MAP2K5: variants seen among roughly 807,000 people sequenced by gnomAD.
MAP2K5 encodes mitogen-activated protein kinase kinase 5, also known as dual specificity mitogen-activated protein kinase kinase 5.
A neutral mutation model predicts 83.1 loss-of-function variants in MAP2K5; 49 were observed. The ratio of observed to expected loss-of-function variants is 0.59; its 90% confidence interval spans 0.47 to 0.75. The LOEUF (loss-of-function observed/expected upper bound fraction) is 0.75. Ranked by LOEUF, MAP2K5 falls within the 30% of genes least tolerant of loss-of-function variation. MAP2K5 has a pLI of 0.00. For synonymous variants in MAP2K5, 202 were observed against 191.8 expected, an observed-to-expected ratio of 1.05 and a Z score of -0.44; for missense variants, 457 against 557.5, an observed-to-expected ratio of 0.82 and a Z score of 1.82.
chr15:67,693,097 G>A (rs2088157609), intron 14 of MAP2K5, among the ~76,000 whole-genome samples: 1 of 152,212 alleles, frequency 6.6e-6, no homozygotes, highest in Non-Finnish European at 1.5e-5. Flanking sequence ...TGTATTATGA[G>A]TTGTCAAAGT....
At chr15:67,663,668 T>G (rs2087297249) in intron 12 of MAP2K5, among the ~76,000 whole-genome samples, 1 of 151,832 alleles carries the variant, frequency 6.6e-6, no homozygotes, top group African/African-American at 2.4e-5. Context: ...AGGTCAGGAG[T>G]TCAAGACCAG....
chr15:67,618,270 A>C (rs1247563778), intron 8 of MAP2K5, among the ~76,000 whole-genome samples: 1 of 152,154 alleles, frequency 6.6e-6, no homozygotes, highest in Non-Finnish European at 1.5e-5. Flanking sequence ...ATCAACTTTC[A>C]TGGCCTCAGG....
chr15:67,634,449 A>G (rs374228851), intron 9 of MAP2K5, among the ~76,000 whole-genome samples: 1 of 147,066 alleles, frequency 6.8e-6, no homozygotes, highest in East Asian at 2.1e-4. Flanking sequence ...TATAATGTCA[A>G]TTAGATCAAG....
intron 16 of MAP2K5, among the ~76,000 whole-genome samples, chr15:67,705,914 T>A (rs1426149665): frequency 6.6e-6 from 1 of 151,662 alleles, no homozygotes; most frequent in African/African-American, 2.4e-5. Flanking sequence ...TTGACTGGAG[T>A]TAACAAGGGG....
chr15:67,806,348 G>A (rs1465097473), intron 21 of MAP2K5, among the ~76,000 whole-genome samples: 1 of 152,254 alleles, frequency 6.6e-6, no homozygotes, highest in Non-Finnish European at 1.5e-5. Flanking sequence ...AGTGTGCAGC[G>A]AAGACAGGCC....
At position 67,758,986 on chromosome 15, in the gene MAP2K5, C is replaced by T. The variant is rs987264536; in HGVS notation, c.1134+10385C>T. Among the ~76,000 whole-genome samples, 2 of 152,168 alleles carry T rather than the reference C, an allele frequency of 1.3e-5. No homozygotes were observed. The highest frequency in any genetic ancestry group is 4.8e-5 in the African/African-American group (2 of 41,436). On this transcript the variant is annotated intron_variant, in intron 19 of 21. Transcript: ENST00000178640. This position sits in a 1 kb window ranked among gnomAD's most constrained non-coding sequence, Gnocchi z 4.7. ...TTGCAACTCAGTTCAGTTTTGCTGT[C>T]TATATGAATGACCGCACATCTTTCA...
chr15:67,603,189 C>G (rs1167228051), intron 8 of MAP2K5, among the ~76,000 whole-genome samples: 1 of 152,222 alleles, frequency 6.6e-6, no homozygotes, highest in Admixed American at 6.5e-5. Flanking sequence ...CAGAACTCTT[C>G]GTCTTGTGTA....
At chr15:67,784,475 A>G (rs935667826) in intron 21 of MAP2K5, among the ~76,000 whole-genome samples, 6 of 152,152 alleles carry the variant, frequency 3.9e-5, no homozygotes, top group African/African-American at 9.7e-5. Flanking sequence ...CTCCCTCCCT[A>G]TGGTCCCTTC....
Position 67,653,036 on chromosome 15 carries a change from G to A in MAP2K5, c.737-5517G>A, listed in dbSNP as rs545377985. Among the ~76,000 whole-genome samples, 4 of 152,112 alleles carry A rather than the reference G, an allele frequency of 2.6e-5. No homozygotes were observed. In the East Asian group the frequency reaches 7.7e-4, roughly 29 times the overall value. ...TACCAACTCAATCTCTTTATATACT[G>A]GTTTAGTCAGATTTTTTATTTTTTC... On this transcript the variant is annotated intron_variant, in intron 11 of 21. Coordinates refer to ENST00000178640, the MANE Select transcript of MAP2K5 (RefSeq NM_145160.3).
chr15:67,682,210 G>A (rs555358039), intron 13 of MAP2K5, among the ~76,000 whole-genome samples: 6 of 151,478 alleles, frequency 4.0e-5, no homozygotes, highest in Admixed American at 6.6e-5. Flanking sequence ...TCATTTCAGT[G>A]TTTCTAGAGC....
intron 8 of MAP2K5, among the ~76,000 whole-genome samples, chr15:67,617,971 G>A (rs2086091855): frequency 6.6e-6 from 1 of 152,158 alleles, no homozygotes; most frequent in Non-Finnish European, 1.5e-5. Context: ...TGGGATTACA[G>A]GTGTGAGCCA....
intron 8 of MAP2K5, among the ~76,000 whole-genome samples, chr15:67,602,066 C>A (rs1489920012): frequency 1.3e-5 from 2 of 152,170 alleles, no homozygotes; most frequent in South Asian, 4.1e-4. Flanking sequence ...TTGGGCCTGG[C>A]CCTTAAAATT....
At chr15:67,712,116 G>A (rs929968789) in intron 16 of MAP2K5, among the ~76,000 whole-genome samples, 6 of 152,180 alleles carry the variant, frequency 3.9e-5, no homozygotes, top group Non-Finnish European at 7.3e-5. Flanking sequence ...CCATTACTAC[G>A]TTCAGAGGCA....
intron 8 of MAP2K5, among the ~76,000 whole-genome samples, chr15:67,629,965 C>T (rs2086428971): frequency 6.6e-6 from 1 of 152,242 alleles, no homozygotes; most frequent in South Asian, 2.1e-4. Context: ...ATAAAAGGTA[C>T]GGTGGCTCAC....
At chr15:67,591,209 A>T (rs1371639351) in intron 6 of MAP2K5, among the ~76,000 whole-genome samples, 1 of 151,510 alleles carries the variant, frequency 6.6e-6, no homozygotes, top group Non-Finnish European at 1.5e-5. Flanking sequence ...GCCAGGCGTG[A>T]TGGCATGCAC....
At position 67,781,901 on chromosome 15, in the gene MAP2K5, T is replaced by A. The variant is rs2090334010; in HGVS notation, c.1242+9149T>A. On this transcript the variant is annotated intron_variant, in intron 21 of 21. Coordinates refer to ENST00000178640, the MANE Select transcript of MAP2K5 (RefSeq NM_145160.3). This position sits in a 1 kb window ranked among gnomAD's most constrained non-coding sequence, Gnocchi z 4.0. ...TGGCATTGACAAAAATTTGTATAAA[T>A]AGGGTACATTTTTTCCACTTAAGAG... 6.6e-6 allele frequency among the ~76,000 whole-genome samples: 1 copy of A among 152,194 alleles called. No homozygotes were observed. The highest frequency in any genetic ancestry group is 1.5e-5 in the Non-Finnish European group (1 of 68,020).
rs62015220 is a variant in MAP2K5, at chr15:67,786,572, G to A, written c.1242+13820G>A. Among the ~76,000 whole-genome samples the A allele has an allele frequency of 0.03, 4,630 of 152,272 alleles. 119 individuals are homozygous for A. Among genetic ancestry groups the A allele is most frequent in the African/African-American group, 0.068 (2,814 of 41,542 alleles). Reference sequence around the variant, plus strand: ...GCCAAGCTGCTGGCTTGGGTGGTGCGGGAGCTCGGAACAGTGGCCGAGGGG... The same window carrying A: ...GCCAAGCTGCTGGCTTGGGTGGTGCAGGAGCTCGGAACAGTGGCCGAGGGG... On this transcript the variant is annotated intron_variant, in intron 21 of 21. Coordinates refer to ENST00000178640, the MANE Select transcript of MAP2K5 (RefSeq NM_145160.3). This position sits in a 1 kb window ranked among gnomAD's most constrained non-coding sequence, Gnocchi z 4.7.
chr15:67,756,514 A>AGTGTGTGTGT lies in MAP2K5; in HGVS notation c.1134+7913_1134+7914insGTGTGTGTGT, dbSNP rs1566953852. Reference sequence around the variant, plus strand: ...AATATATCTAACCCCACACACAGTTACTGTGTGTGTGTGTGTGTGTGTGTG... The same window carrying AGTGTGTGTGT: ...AATATATCTAACCCCACACACAGTTAGTGTGTGTGTCTGTGTGTGTGTGTGTGTGTGTGTG... On this transcript the variant is annotated intron_variant, in intron 19 of 21. Transcript: ENST00000178640. Among the ~76,000 whole-genome samples, 166 of 97,918 alleles carry AGTGTGTGTGT rather than the reference A, an allele frequency of 1.7e-3. 3 individuals carry two copies. Among genetic ancestry groups the AGTGTGTGTGT allele is most frequent in the East Asian group, 8.9e-3 (28 of 3,158 alleles). 64.2% of individuals were successfully genotyped at this position (97,918 alleles called of 152,430 possible). A position where few individuals can be genotyped will look rare whatever the true frequency, so the allele number is the denominator to read the frequency against.
chr15:67,720,608 T>C lies in MAP2K5; in HGVS notation c.1045-7308T>C, dbSNP rs1315290474. Among the ~76,000 whole-genome samples, 1 of 152,152 alleles carries C rather than the reference T, an allele frequency of 6.6e-6. No homozygotes were observed. The highest frequency in any genetic ancestry group is 1.5e-5 in the Non-Finnish European group (1 of 68,030). ...GGAGAATTAGACGTAAAGGTACTAA[T>C]GCCTGAGGGGTGGGTCATGAATTAA... On this transcript the variant is annotated intron_variant, in intron 16 of 21. Transcript: ENST00000178640. The surrounding 1 kb of genome is among the most constrained non-coding windows in gnomAD (Gnocchi z 5.7).
Sources: gnomAD v4.1 joint callset for allele counts (sites outside exome capture counted in the v4.1 genomes callset) on GRCh38, gnomAD v4.1.1 for gene constraint, Gnocchi (gnomAD v3.1) non-coding constraint, MANE v1.5 for transcripts, NCBI Gene and HGNC (gene_info 2026-07-23, HGNC 2026-07-21) for gene names.